SLC24A4: variants seen among roughly 807,000 people sequenced by gnomAD.
SLC24A4 encodes solute carrier family 24 member 4, also known as sodium/potassium/calcium exchanger 4.
Under a neutral mutation model 79.0 loss-of-function variants are expected in SLC24A4, and 53 were observed. The observed-to-expected ratio is 0.67, with a 90% confidence interval of 0.54 to 0.84. The LOEUF is 0.84. Among genes scored for constraint, SLC24A4 ranks in the 40% least tolerant of loss-of-function variants. The pLI is 0.00. For synonymous variants in SLC24A4, 323 were observed against 323.8 expected (o/e 1.00, Z 0.03); for missense variants, 731 against 822.0 (o/e 0.89, Z 1.35).
chr14:92,336,090 G>A (rs1017126441), intron 2 of SLC24A4, among the ~76,000 whole-genome samples: 1 of 152,074 alleles, frequency 6.6e-6, no homozygotes, highest in Non-Finnish European at 1.5e-5. Flanking sequence ...TAGATTCTCC[G>A]CTCTTGATGC....
At chr14:92,474,763 G>A (rs1180773292) in intron 12 of SLC24A4, among the ~76,000 whole-genome samples, 2 of 67,602 alleles carry the variant, frequency 3.0e-5, no homozygotes, top group East Asian at 3.7e-4. Flanking sequence ...GTGTATATAC[G>A]TATATATGTG....
At chr14:92,351,236 G>GCGCGCGCGCACA (rs112120101) in intron 2 of SLC24A4, among the ~76,000 whole-genome samples, 32 of 147,072 alleles carry the variant, frequency 2.2e-4, no homozygotes, top group African/African-American at 7.3e-4. Context: ...ACACATACAC[G>GCGCGCGCGCACA]CACACACACA....
intron 13 of SLC24A4, among the ~76,000 whole-genome samples, chr14:92,485,393 A>AGGTT (rs1254306668): frequency 6.6e-6 from 1 of 151,338 alleles, no homozygotes; most frequent in Non-Finnish European, 1.5e-5. Flanking sequence ...TAAACCCGAG[A>AGGTT]GGTTGAGGCC....
At position 92,490,764 on chromosome 14, in the gene SLC24A4, A is replaced by C. The variant is rs1895635299; in HGVS notation, c.1538-901A>C. Among the ~76,000 whole-genome samples, 1 of 152,210 alleles carries C rather than the reference A, an allele frequency of 6.6e-6. No individual in the cohort carries two copies. The highest frequency in any genetic ancestry group is 1.5e-5 in the Non-Finnish European group (1 of 68,026). On this transcript the variant is annotated intron_variant, in intron 14 of 16. Coordinates refer to ENST00000532405, the MANE Select transcript of SLC24A4 (RefSeq NM_153646.4). The surrounding 1 kb of genome is among the most constrained non-coding windows in gnomAD (Gnocchi z 4.3). ...GGGAGTCCTCATAGAACATCAGCTG[A>C]CAAGCCTGGCAGGAGAGATCATGAA...
intron 2 of SLC24A4, among the ~76,000 whole-genome samples, chr14:92,427,695 ATT>A (rs1891641195): frequency 6.6e-6 from 1 of 152,214 alleles, no homozygotes; most frequent in African/African-American, 2.4e-5. Flanking sequence ...CATGTTTAAT[ATT>A]TTCAACAGAA....
At chr14:92,391,867 G>A (rs776046545) in intron 2 of SLC24A4, among the ~76,000 whole-genome samples, 4 of 152,320 alleles carry the variant, frequency 2.6e-5, no homozygotes, top group South Asian at 4.1e-4. Flanking sequence ...ACCAGCTGCC[G>A]GCCATGTGAG....
intron 2 of SLC24A4, among the ~76,000 whole-genome samples, chr14:92,382,088 C>G (rs901254355): frequency 6.6e-6 from 1 of 151,754 alleles, no homozygotes; most frequent in Non-Finnish European, 1.5e-5. Flanking sequence ...ATCTGCATTC[C>G]TGTATATATA....
chr14:92,414,979 G>A (rs11625816), intron 2 of SLC24A4, among the ~76,000 whole-genome samples: 51,466 of 152,018 alleles, frequency 0.34, 8,934 homozygotes, highest in Non-Finnish European at 0.35. Flanking sequence ...GCCACGATGC[G>A]TGGTGCATTG....
intron 2 of SLC24A4, among the ~76,000 whole-genome samples, chr14:92,329,950 C>T (rs1044297308): frequency 2.6e-5 from 4 of 152,214 alleles, no homozygotes; most frequent in African/African-American, 9.7e-5. Flanking sequence ...ACCTCAAGAG[C>T]TTTATAGGAA....
At position 92,325,869 on chromosome 14, in the gene SLC24A4, G is replaced by A. The variant is rs544105858; in HGVS notation, c.132G>A (p.Gly44=). The stretch of plus-strand genomic sequence containing the variant: ...TCTGTGACTTATTTTCCAATCCAGG[G>A]CACAAAACAGCTTCTGCTAGCAAAC... ...CCASGLFGSL[G]HKTASASKRV... is the part of the protein sequence containing the mutation. The change falls in exon 2 of 17, where the codon GGG becomes GGA. Residue 44 remains glycine (G), a splice_region_variant and synonymous_variant. Transcript: ENST00000532405. 5 of 1,602,292 alleles carry A rather than the reference G, an allele frequency of 3.1e-6. No homozygotes were observed. In the Admixed American group the frequency reaches 6.8e-5, roughly 22 times the overall value.
Position 92,495,207 on chromosome 14 carries a change from T to A in SLC24A4, c.*1579T>A, listed in dbSNP as rs958799236. On this transcript the variant is annotated 3_prime_UTR_variant, in exon 17 of 17. Coordinates refer to ENST00000532405, the MANE Select transcript of SLC24A4 (RefSeq NM_153646.4). ...TCAAAGATCGTGACGCTGGTTGGAA[T>A]TTCTGACTGTGCCCTTTAGGGCCTC... 6.6e-6 allele frequency: 1 copy of A among 152,516 alleles called. No individual in the cohort carries two copies. The highest frequency in any genetic ancestry group is 2.4e-5 in the African/African-American group (1 of 41,438). The allele number at this position is 152,516 out of a possible 1,614,324, so 9.4% of individuals were successfully genotyped here.
At position 92,342,363 on chromosome 14, in the gene SLC24A4, CATTTATTTATTT is replaced by C. The variant is rs10664923; in HGVS notation, c.241+16410_241+16421del. On this transcript the variant is annotated intron_variant, in intron 2 of 16. Transcript: ENST00000532405. ...GCTCCCAGATTCTTCTTTTTTTCCC[CATTTATTTATTT>C]ATTTATTTATTTATTTATTTATTTT... is the stretch of plus-strand genomic sequence containing the variant. 4.4e-5 allele frequency among the ~76,000 whole-genome samples: 6 copies of C among 137,926 alleles called. No homozygotes were observed. The South Asian group carries it at 7.2e-4, about 17-fold the overall frequency. The allele number at this position is 137,926 out of a possible 152,430, so 90.5% of individuals were successfully genotyped here.
At chr14:92,383,785 T>A (rs1888988628) in intron 2 of SLC24A4, among the ~76,000 whole-genome samples, 2 of 152,172 alleles carry the variant, frequency 1.3e-5, no homozygotes, top group African/African-American at 4.8e-5. Context: ...CACGCCCTCG[T>A]CAGCCTCCTC....
At chr14:92,431,717 C>A (rs1334025510) in intron 2 of SLC24A4, among the ~76,000 whole-genome samples, 1 of 152,174 alleles carries the variant, frequency 6.6e-6, no homozygotes, top group African/African-American at 2.4e-5. Context: ...AGCATGCACA[C>A]AGGGGTGCAA....
chr14:92,490,164 C>T lies in SLC24A4; in HGVS notation c.1538-1501C>T, dbSNP rs533285100. Among the ~76,000 whole-genome samples the T allele has an allele frequency of 2.5e-4, 38 of 152,288 alleles. No individual in the cohort carries two copies. The South Asian group carries it at 5.0e-3, about 20-fold the overall frequency. On this transcript the variant is annotated intron_variant, in intron 14 of 16. Coordinates refer to ENST00000532405, the MANE Select transcript of SLC24A4 (RefSeq NM_153646.4). This position sits in a 1 kb window ranked among gnomAD's most constrained non-coding sequence, Gnocchi z 4.3. The stretch of plus-strand genomic sequence containing the variant: ...GTGGGTGCCGATCTGAGTTGCCTGC[C>T]GTATGTGCCAGCTACCAAAGCAATG...
intron 12 of SLC24A4, among the ~76,000 whole-genome samples, chr14:92,471,054 T>C (rs987669572): frequency 6.6e-6 from 1 of 152,242 alleles, no homozygotes; most frequent in Admixed American, 6.5e-5. Context: ...CCTCTGTCTC[T>C]TAAGGATTGC....
intron 10 of SLC24A4, 65 bp downstream of exon 10, chr14:92,449,281 T>G: frequency 1.2e-6 from 1 of 868,542 alleles, no homozygotes; most frequent in Non-Finnish European, 1.7e-6. Flanking sequence ...CTCTTTTGTG[T>G]ACACACACAC....
chr14:92,396,180 T>G (rs1889765720), intron 2 of SLC24A4, among the ~76,000 whole-genome samples: 1 of 152,190 alleles, frequency 6.6e-6, no homozygotes, highest in Admixed American at 6.5e-5. Flanking sequence ...AAATCACGAA[T>G]AGTTTAGCTG....
chr14:92,363,816 G>A (rs1887667471), intron 2 of SLC24A4, among the ~76,000 whole-genome samples: 1 of 151,518 alleles, frequency 6.6e-6, no homozygotes, highest in African/African-American at 2.4e-5. Context: ...GTGACAGAGT[G>A]AGACTCCGTC....
Sources: gnomAD v4.1 joint callset for allele counts (sites outside exome capture counted in the v4.1 genomes callset) on GRCh38, gnomAD v4.1.1 for gene constraint, Gnocchi (gnomAD v3.1) non-coding constraint, MANE v1.5 for transcripts, NCBI Gene and HGNC (gene_info 2026-07-23, HGNC 2026-07-21) for gene names.